The following EIF2B3 variants were observed in gnomAD, a reference collection of about 807,000 sequenced individuals.
EIF2B3 encodes translation initiation factor eIF2B subunit gamma.
Under a neutral mutation model 54.1 loss-of-function variants are expected in EIF2B3, and 20 were observed. The observed-to-expected ratio is 0.37, with a 90% CI of 0.26 to 0.54. The LOEUF (loss-of-function observed/expected upper bound fraction) is 0.54, where lower values mean the gene tolerates loss of function less well. EIF2B3 is among the 20% of genes least tolerant of loss of function. The pLI, the probability that EIF2B3 is intolerant of heterozygous loss-of-function variation, is 0.86. For synonymous variants in EIF2B3, 153 were observed against 188.1 expected, an observed-to-expected ratio of 0.81 and a Z score of 1.52; for missense variants, 448 against 547.8, an observed-to-expected ratio of 0.82 and a Z score of 1.82.
chr1:44,963,908 G>C (rs1644310662), intron 3 of EIF2B3, among the ~76,000 whole-genome samples: 1 of 152,136 alleles, frequency 6.6e-6, no homozygotes, highest in African/African-American at 2.4e-5. Flanking sequence ...TCCTAAGGAA[G>C]GAAAATGACT....
rs2148904789 is a variant in EIF2B3, at chr1:44,879,869, C to A, written c.924G>T (p.Gly308=). The A allele has an allele frequency of 6.8e-6, 11 of 1,614,138 alleles. No individual in the cohort carries two copies. Among genetic ancestry groups the A allele is most frequent in the East Asian group, 2.2e-5 (1 of 44,886 alleles). ...CCAGTGTGCTCACTCGAGAGCAGAG[C>A]CCCTCTTTCATGATGTGGACATAGC... The part of the protein sequence containing the change: ...VRCYVHIMKE[G]LCSRVSTLGL... Residue 308 remains glycine (G), a synonymous_variant, in exon 8 of 12, where the codon GGG becomes GGT. Transcript: ENST00000360403.
In EIF2B3 at chr1:44,850,726, C is replaced by A; in HGVS notation, c.*225G>T. 1 of 594,940 alleles carries A rather than the reference C, an allele frequency of 1.7e-6. No homozygotes were observed. The allele number at this position is 594,940 out of a possible 1,614,324, so 36.9% of individuals were successfully genotyped here. The stretch of plus-strand genomic sequence containing the variant: ...CAAGAGTTAGGCCACTGTATCTGTC[C>A]TGTCCCACACACTTGCTCCAGATGA... On this transcript the variant is annotated 3_prime_UTR_variant, in exon 12 of 12. Coordinates refer to ENST00000360403, the MANE Select transcript of EIF2B3 (RefSeq NM_020365.5).
chr1:44,862,686 C>T (rs536138603), intron 10 of EIF2B3, among the ~76,000 whole-genome samples: 4 of 152,288 alleles, frequency 2.6e-5, no homozygotes, highest in East Asian at 3.9e-4. Context: ...AGTGCAGTGG[C>T]GCGATCTCGG....
intron 5 of EIF2B3, among the ~76,000 whole-genome samples, chr1:44,914,879 G>A (rs1318839514): frequency 2.0e-5 from 3 of 152,130 alleles, no homozygotes; most frequent in African/African-American, 7.2e-5. Flanking sequence ...TAGTAGAGAT[G>A]CGGTTTCAAC....
chr1:44,966,331 T>C (rs528118542), intron 3 of EIF2B3, among the ~76,000 whole-genome samples: 2 of 149,678 alleles, frequency 1.3e-5, no homozygotes, highest in South Asian at 2.1e-4. Flanking sequence ...CCCAGCTACT[T>C]GGGAGGCTGA....
At chr1:44,962,084 C>A (rs1459381037) in intron 3 of EIF2B3, among the ~76,000 whole-genome samples, 1 of 152,054 alleles carries the variant, frequency 6.6e-6, no homozygotes, top group African/African-American at 2.4e-5. Context: ...CGCAGCTACT[C>A]AGGAGGCTGA....
At chr1:44,880,067 A>T in intron 7 of EIF2B3, 59 bp from the exon 8 acceptor site, 1 of 1,573,106 alleles carries the variant, frequency 6.4e-7, no homozygotes. Flanking sequence ...GAACAGATAC[A>T]GACTCAGTCA....
At chr1:44,971,444 T>C (rs1365345930) in intron 3 of EIF2B3, among the ~76,000 whole-genome samples, 2 of 151,760 alleles carry the variant, frequency 1.3e-5, no homozygotes, top group African/African-American at 4.8e-5. Context: ...CCTTTGGAGG[T>C]TACTTTACTT....
At chr1:44,888,025 CT>C (rs765510731) in intron 6 of EIF2B3, among the ~76,000 whole-genome samples, 2 of 152,192 alleles carry the variant, frequency 1.3e-5, no homozygotes, top group Non-Finnish European at 2.9e-5. Context: ...AATTGGCTGA[CT>C]TTGGATACGT....
intron 5 of EIF2B3, among the ~76,000 whole-genome samples, chr1:44,904,324 A>C (rs1030330101): frequency 5.3e-5 from 8 of 152,336 alleles, no homozygotes; most frequent in Non-Finnish European, 1.0e-4. Flanking sequence ...AGGAAGTGTC[A>C]TGGATGGCTT....
At chr1:44,873,753 G>A (rs532028377) in intron 10 of EIF2B3, among the ~76,000 whole-genome samples, 13 of 151,594 alleles carry the variant, frequency 8.6e-5, no homozygotes, top group Non-Finnish European at 1.6e-4. Flanking sequence ...CCATTCTCCT[G>A]CCTCAGCCTC....
intron 5 of EIF2B3, among the ~76,000 whole-genome samples, chr1:44,900,575 C>T (rs78794176): frequency 0.015 from 2,261 of 151,802 alleles, 56 homozygotes; most frequent in African/African-American, 0.052. Context: ...TGGGTTCAAT[C>T]GCACCCAAAT....
intron 10 of EIF2B3, among the ~76,000 whole-genome samples, chr1:44,867,080 T>G (rs1327818992): frequency 6.6e-6 from 1 of 151,636 alleles, no homozygotes; most frequent in African/African-American, 2.4e-5. Flanking sequence ...AAGTAGTAAT[T>G]TCTTACCTGG....
At chr1:44,890,802 T>G (rs1289307894) in intron 6 of EIF2B3, among the ~76,000 whole-genome samples, 1 of 152,172 alleles carries the variant, frequency 6.6e-6, no homozygotes, top group African/African-American at 2.4e-5. Flanking sequence ...CTTTGGTTTC[T>G]CAGCTCCTTC....
chr1:44,921,040 C>T (rs186828243), intron 5 of EIF2B3, among the ~76,000 whole-genome samples: 24 of 152,298 alleles, frequency 1.6e-4, no homozygotes, highest in Admixed American at 8.5e-4. Context: ...TCTCTACAAC[C>T]TTGCCAGCAT....
intron 6 of EIF2B3, among the ~76,000 whole-genome samples, chr1:44,884,288 C>T: frequency 6.6e-6 from 1 of 152,028 alleles, no homozygotes; most frequent in East Asian, 1.9e-4. Context: ...GATAATGAGG[C>T]CTGAGAGAGG....
chr1:44,934,661 C>A (rs541025506), intron 4 of EIF2B3, among the ~76,000 whole-genome samples: 2 of 151,898 alleles, frequency 1.3e-5, no homozygotes, highest in African/African-American at 4.8e-5. Context: ...CCCACCACCA[C>A]GCCCAGCTAA....
At chr1:44,922,710 T>C (rs1287018411) in intron 5 of EIF2B3, among the ~76,000 whole-genome samples, 1 of 152,042 alleles carries the variant, frequency 6.6e-6, no homozygotes. Context: ...CTCTTCAAAT[T>C]CTTGCATCAA....
chr1:44,861,772 T>C (rs1006441696), intron 10 of EIF2B3, among the ~76,000 whole-genome samples: 1 of 152,174 alleles, frequency 6.6e-6, no homozygotes, highest in African/African-American at 2.4e-5. Flanking sequence ...CTGTGGGCTC[T>C]CCTGAGGCTC....
Sources: allele counts gnomAD v4.1 joint callset (sites outside exome capture counted in the v4.1 genomes callset), GRCh38; gene constraint gnomAD v4.1.1; transcripts MANE v1.5; gene names NCBI Gene and HGNC (gene_info 2026-07-23, HGNC 2026-07-21).